The following NAA35 variants were observed in gnomAD, a reference collection of about 807,000 sequenced individuals.
The protein encoded by NAA35 is MAK10 homolog, amino-acid N-acetyltransferase subunit.
In NAA35, 18 loss-of-function variants were observed where a neutral mutation model predicts 101.7. The ratio of observed to expected loss-of-function variants is 0.18; its 90% CI spans 0.12 to 0.26. The LOEUF (loss-of-function observed/expected upper bound fraction) is 0.26, where lower values mean the gene tolerates loss of function less well. NAA35 is among the 10% of genes least tolerant of loss of function. The pLI is 1.00. For missense variants in NAA35, 601 were observed against 886.8 expected (o/e 0.68, Z 4.09); for synonymous variants, 267 against 273.1 (o/e 0.98, Z 0.22).
At position 86,012,333 on chromosome 9, in the gene NAA35, C is replaced by T. The variant is rs1831980927; in HGVS notation, c.1291-713C>T. ...GGGGTTTCACCACCAACAGTCACAACTGTTGACCTCATGATCCACCTGCCT... is the reference window on the plus strand; with the variant it reads ...GGGGTTTCACCACCAACAGTCACAATTGTTGACCTCATGATCCACCTGCCT... On this transcript the variant is annotated intron_variant, in intron 15 of 22. Transcript: ENST00000361671. Among the ~76,000 whole-genome samples the T allele has an allele frequency of 3.3e-5, 5 of 151,998 alleles. No individual in the cohort carries two copies. In the South Asian group the frequency reaches 1.0e-3, roughly 31 times the overall value.
At chr9:85,953,850 C>T (rs1431694429) in intron 2 of NAA35, among the ~76,000 whole-genome samples, 6 of 152,180 alleles carry the variant, frequency 3.9e-5, no homozygotes, top group Admixed American at 1.3e-4. Flanking sequence ...TATGTTGTAG[C>T]ATGTCAGAAT....
intron 2 of NAA35, among the ~76,000 whole-genome samples, chr9:85,946,734 T>G (rs1049024724): frequency 6.6e-6 from 1 of 151,994 alleles, no homozygotes; most frequent in Non-Finnish European, 1.5e-5. Flanking sequence ...ATGTGTGGCA[T>G]AAGACAATTA....
intron 15 of NAA35, among the ~76,000 whole-genome samples, chr9:86,010,549 CT>C (rs201432197): frequency 2.7e-4 from 33 of 124,004 alleles, no homozygotes; most frequent in Non-Finnish European, 3.0e-4. Flanking sequence ...AAAAACTTTA[CT>C]TTTTTTTTTA....
intron 15 of NAA35, among the ~76,000 whole-genome samples, chr9:86,012,140 G>C (rs1249303539): frequency 2.1e-5 from 3 of 145,746 alleles, no homozygotes; most frequent in African/African-American, 7.6e-5. Flanking sequence ...TTTTTTTTGA[G>C]ATGAAGTCTC....
intron 6 of NAA35, among the ~76,000 whole-genome samples, chr9:85,973,225 G>A (rs1034807120): frequency 6.6e-6 from 1 of 152,220 alleles, no homozygotes; most frequent in African/African-American, 2.4e-5. Context: ...GTTGGCGAGG[G>A]AGACCGGGCC....
chr9:85,961,465 A>G (rs1276193848), intron 5 of NAA35, among the ~76,000 whole-genome samples: 1 of 152,192 alleles, frequency 6.6e-6, no homozygotes. Flanking sequence ...GGTATTCCCA[A>G]CCTCTAGTAC....
rs1459725702 is a variant in NAA35, at chr9:86,023,211, G to A, written c.*1251G>A. On this transcript the variant is annotated 3_prime_UTR_variant, in exon 23 of 23. Transcript: ENST00000361671. ...TGTGTTATTCAAGAACAGCCATTAGGTGTCCTGAAATTTCAGAACCGAAAA... is the reference window on the plus strand; with the variant it reads ...TGTGTTATTCAAGAACAGCCATTAGATGTCCTGAAATTTCAGAACCGAAAA... Among the ~76,000 whole-genome samples the A allele has an allele frequency of 6.6e-6, 1 of 152,054 alleles. No individual in the cohort carries two copies. Among genetic ancestry groups the A allele is most frequent in the Non-Finnish European group, 1.5e-5 (1 of 68,022 alleles).
At chr9:85,994,214 C>G (rs1415819870) in intron 11 of NAA35, among the ~76,000 whole-genome samples, 1 of 152,192 alleles carries the variant, frequency 6.6e-6, no homozygotes, top group Non-Finnish European at 1.5e-5. Flanking sequence ...ATACAATTCA[C>G]TAGCATTAAT....
At chr9:86,016,245 ATATT>A (rs1462547878) in intron 17 of NAA35, among the ~76,000 whole-genome samples, 3 of 152,136 alleles carry the variant, frequency 2.0e-5, no homozygotes, top group Non-Finnish European at 4.4e-5. Context: ...TTAAAAGAAA[ATATT>A]TATAGACTGA....
In NAA35 at chr9:86,024,415, A is replaced by T. The variant is rs143167377; in HGVS notation, c.*2455A>T. On this transcript the variant is annotated 3_prime_UTR_variant, in exon 23 of 23. Transcript: ENST00000361671. ...CCACAGGTTAAAGATTTTGGACTTT[A>T]TTCTGATATTGGTAGATTCTACTGA... 1.1e-3 allele frequency among the ~76,000 whole-genome samples: 171 copies of T among 152,236 alleles called. No homozygotes were observed. Among genetic ancestry groups the T allele is most frequent in the African/African-American group, 3.9e-3 (162 of 41,540 alleles).
intron 8 of NAA35, among the ~76,000 whole-genome samples, chr9:85,976,139 T>C (rs1168235696): frequency 6.6e-6 from 1 of 152,202 alleles, no homozygotes; most frequent in Non-Finnish European, 1.5e-5. Flanking sequence ...CTAAAGGGCA[T>C]GTAAATGGCA....
At chr9:86,003,885 A>T (rs1831518747) in intron 13 of NAA35, among the ~76,000 whole-genome samples, 1 of 152,184 alleles carries the variant, frequency 6.6e-6, no homozygotes, top group East Asian at 1.9e-4. Flanking sequence ...TATCTTTCTT[A>T]TCATTTTAGA....
chr9:85,994,793 G>A (rs552839287), intron 11 of NAA35, among the ~76,000 whole-genome samples: 1 of 152,262 alleles, frequency 6.6e-6, no homozygotes, highest in East Asian at 1.9e-4. Flanking sequence ...TAGTTAGATA[G>A]ATGAAATATG....
intron 2 of NAA35, among the ~76,000 whole-genome samples, chr9:85,954,684 G>C (rs932988335): frequency 2.6e-5 from 4 of 152,052 alleles, no homozygotes; most frequent in Non-Finnish European, 4.4e-5. Context: ...TTAGCTTGGG[G>C]CCACTGTCTT....
In NAA35 at chr9:85,943,168, C is replaced by G. The variant is rs187808118; in HGVS notation, c.124+885C>G. 2.2e-3 allele frequency among the ~76,000 whole-genome samples: 327 copies of G among 152,006 alleles called. 4 individuals are homozygous for G. The South Asian group carries it at 0.033, about 16-fold the overall frequency. ...ATTGGAGAAATGAACATGCTTGTTGCTTGAGGGGAAAGAGTCTAGGGAGAG... is the reference window on the plus strand; with the variant it reads ...ATTGGAGAAATGAACATGCTTGTTGGTTGAGGGGAAAGAGTCTAGGGAGAG... On this transcript the variant is annotated intron_variant, in intron 2 of 22. Transcript: ENST00000361671.
In NAA35 at chr9:86,003,745, T is replaced by A. The variant is rs1831513523; in HGVS notation, c.1116+101T>A. ...CAAAAGGTAGATGCTTTTAAAGGAT[T>A]TTCCAGTTAGTGTTGTGTATTTTTT... is the stretch of plus-strand genomic sequence containing the variant. On this transcript the variant is annotated intron_variant, in intron 13 of 22. Coordinates refer to ENST00000361671, the MANE Select transcript of NAA35 (RefSeq NM_024635.4). The A allele has an allele frequency of 9.1e-6, 6 of 660,582 alleles. No homozygotes were observed. In the East Asian group the frequency reaches 1.8e-4, roughly 20 times the overall value. 40.9% of individuals were successfully genotyped at this position (660,582 alleles called of 1,614,324 possible).
Position 85,946,669 on chromosome 9 carries a change from A to T in NAA35, c.124+4386A>T, listed in dbSNP as rs61551665. 9.0e-3 allele frequency among the ~76,000 whole-genome samples: 1,249 copies of T among 138,834 alleles called. 22 individuals are homozygous for T. The highest frequency in any genetic ancestry group is 0.034 in the African/African-American group (1,202 of 35,488). 91.1% of individuals were successfully genotyped at this position (138,834 alleles called of 152,430 possible). ...GTAAACTTTCTTAAAACGTTATGAG[A>T]TTTTTTTTTTTGCGATTTTTTTTTT... is the stretch of plus-strand genomic sequence containing the variant. On this transcript the variant is annotated intron_variant, in intron 2 of 22. Coordinates refer to ENST00000361671, the MANE Select transcript of NAA35 (RefSeq NM_024635.4).
At chr9:85,981,960 T>C (rs1314902857) in intron 11 of NAA35, among the ~76,000 whole-genome samples, 2 of 152,172 alleles carry the variant, frequency 1.3e-5, no homozygotes, top group African/African-American at 4.8e-5. Context: ...GAGCATTCAT[T>C]TTAGCTTCTC....
chr9:85,952,550 G>A (rs1274625484), intron 2 of NAA35, among the ~76,000 whole-genome samples: 2 of 151,986 alleles, frequency 1.3e-5, no homozygotes, highest in Non-Finnish European at 2.9e-5. Context: ...CTCCCAAAGT[G>A]CTGGGATTAT....
Sources: allele counts gnomAD v4.1 joint callset (sites outside exome capture counted in the v4.1 genomes callset), GRCh38; gene constraint gnomAD v4.1.1; transcripts MANE v1.5; gene names NCBI Gene and HGNC (gene_info 2026-07-23, HGNC 2026-07-21).